Variants in ESR1 observed in about 807,000 individuals in gnomAD.
The protein encoded by ESR1 is estrogen receptor 1.
In ESR1, 12 loss-of-function variants were observed where a neutral mutation model predicts 52.7. That is an observed-to-expected ratio of 0.23 (90% CI 0.15 to 0.37). The LOEUF is 0.37. Ranked by LOEUF, ESR1 falls within the 10% of genes least tolerant of loss-of-function variation. The pLI is 1.00. For missense variants in ESR1, 584 were observed against 779.7 expected, an observed-to-expected ratio of 0.75 and a Z score of 2.99; for synonymous variants, 305 against 316.8, an observed-to-expected ratio of 0.96 and a Z score of 0.39.
chr6:152,002,312 T>C (rs572667321), intron 4 of ESR1, among the ~76,000 whole-genome samples: 2 of 151,972 alleles, frequency 1.3e-5, no homozygotes, highest in East Asian at 3.9e-4. Flanking sequence ...GCTATCCTTG[T>C]CCATGCGGTT....
At chr6:152,005,846 C>G (rs1237900268) in intron 4 of ESR1, among the ~76,000 whole-genome samples, 1 of 152,024 alleles carries the variant, frequency 6.6e-6, no homozygotes, top group East Asian at 1.9e-4. Context: ...TCCAGATAAT[C>G]AGAAAGTCCC....
intron 5 of ESR1, among the ~76,000 whole-genome samples, chr6:152,038,412 A>T (rs1455569913): frequency 1.3e-5 from 2 of 152,184 alleles, no homozygotes; most frequent in Non-Finnish European, 2.9e-5. Flanking sequence ...AATACAATCA[A>T]GTTGGCACTC....
intron 2 of ESR1, among the ~76,000 whole-genome samples, chr6:151,860,370 C>A (rs1788647141): frequency 6.6e-6 from 1 of 152,088 alleles, no homozygotes; most frequent in South Asian, 2.1e-4. Flanking sequence ...TAGACTTGTT[C>A]ATGCTACATA....
chr6:152,015,545 C>T lies in ESR1; in HGVS notation c.1235+3751C>T, dbSNP rs78374082. Among the ~76,000 whole-genome samples the T allele has an allele frequency of 9.5e-3, 1,445 of 152,230 alleles. 27 individuals are homozygous for T. The highest frequency in any genetic ancestry group is 0.033 in the African/African-American group (1,387 of 41,532). On this transcript the variant is annotated intron_variant, in intron 5 of 7. Coordinates refer to ENST00000206249, the MANE Select transcript of ESR1 (RefSeq NM_000125.4). The stretch of plus-strand genomic sequence containing the variant: ...TTCGTCTTGTGTGATCTCCAGTTTA[C>T]GAAGTCTTCCATGATACCCAACAAA...
At chr6:151,787,752 C>T (rs1787159907) in intron 2 of ESR1, among the ~76,000 whole-genome samples, 1 of 152,146 alleles carries the variant, frequency 6.6e-6, no homozygotes, top group Admixed American at 6.5e-5. Context: ...TGGGCCAACA[C>T]TATGGGGTTT....
chr6:151,753,578 A>G (rs1313563588), intron 2 of ESR1, among the ~76,000 whole-genome samples: 2 of 152,172 alleles, frequency 1.3e-5, no homozygotes, highest in African/African-American at 4.8e-5. Flanking sequence ...TTGGCCTCCC[A>G]AAGTGCTGGG....
At chr6:151,913,775 T>A (rs771810272) in intron 3 of ESR1, among the ~76,000 whole-genome samples, 19 of 152,166 alleles carry the variant, frequency 1.2e-4, no homozygotes, top group Non-Finnish European at 2.5e-4. Context: ...ATGTATCAGA[T>A]CTTTTTTTTA....
At chr6:151,824,920 CAA>C (rs11308325) in intron 1 of ESR1, among the ~76,000 whole-genome samples, 3 of 135,832 alleles carry the variant, frequency 2.2e-5, no homozygotes, top group Admixed American at 7.3e-5. Context: ...GACTCCATCT[CAA>C]AAAAAAAAAG....
intron 3 of ESR1, among the ~76,000 whole-genome samples, chr6:151,888,326 C>T (rs188734343): frequency 1.2e-3 from 181 of 152,130 alleles, no homozygotes; most frequent in African/African-American, 4.1e-3. Flanking sequence ...TTATTTGTGT[C>T]TTCTTCAGTT....
rs76985272 is a variant in ESR1, at chr6:152,061,120, T to C, written c.1365T>C (p.Asn455=). The change falls in exon 6 of 8, where the codon AAT becomes AAC. Residue 455 remains asparagine, a synonymous_variant. Transcript: ENST00000206249. This position sits in a 1 kb window ranked among gnomAD's most constrained non-coding sequence, Gnocchi z 4.3. ...GCCTCAAATCTATTATTTTGCTTAA[T>C]TCTGGTGAGTTGATAACACAAGATA... ...FVCLKSIILL[N]SGVYTFLSST... 21 of 1,613,926 alleles carry C rather than the reference T, an allele frequency of 1.3e-5. No homozygotes were observed. The highest frequency in any genetic ancestry group is 1.7e-5 in the Admixed American group (1 of 60,008).
chr6:151,818,667 C>T (rs1462230445), intron 1 of ESR1, among the ~76,000 whole-genome samples: 1 of 151,990 alleles, frequency 6.6e-6, no homozygotes, highest in East Asian at 1.9e-4. Flanking sequence ...TCATGTCATT[C>T]TTGCCTTTCT....
chr6:151,889,550 T>C (rs974538825), intron 3 of ESR1, among the ~76,000 whole-genome samples: 2 of 152,170 alleles, frequency 1.3e-5, no homozygotes, highest in Admixed American at 1.3e-4. Flanking sequence ...CTTCTCACTT[T>C]TTTTCTTAGT....
chr6:152,083,907 T>C (rs531838162), intron 6 of ESR1, among the ~76,000 whole-genome samples: 1 of 152,270 alleles, frequency 6.6e-6, no homozygotes, highest in South Asian at 2.1e-4. Context: ...TTTGACCCAG[T>C]GATCTCATTA....
intron 3 of ESR1, among the ~76,000 whole-genome samples, chr6:151,893,372 G>T (rs573212465): frequency 1.3e-5 from 2 of 152,194 alleles, no homozygotes; most frequent in African/African-American, 4.8e-5. Flanking sequence ...AAATGTTCTG[G>T]TCATGCCTGG....
rs151254912 is a variant in ESR1, at chr6:151,681,461, G to A, written n.74-20414G>A. 6.6e-3 allele frequency among the ~76,000 whole-genome samples: 996 copies of A among 151,784 alleles called. 9 individuals are homozygous for A. The highest frequency in any genetic ancestry group is 0.027 in the Middle Eastern group (8 of 292). On this transcript the variant is annotated intron_variant and non_coding_transcript_variant, in intron 1 of 2. Coordinates refer to the ESR1 transcript ENST00000473497. ...GGGAGCTGTTGAGGGTCCCGTGCTC[G>A]TCAATTCTCTAGCTTCTCAGGCGCC... is the stretch of plus-strand genomic sequence containing the variant.
chr6:151,664,565 C>T (rs577497646), intron 1 of ESR1, among the ~76,000 whole-genome samples: 1 of 152,270 alleles, frequency 6.6e-6, no homozygotes, highest in East Asian at 1.9e-4. Context: ...CCCTACTTTC[C>T]AGCCCATCTG....
chr6:151,714,882 G>T (rs1780906037), intron 2 of ESR1, among the ~76,000 whole-genome samples: 1 of 152,122 alleles, frequency 6.6e-6, no homozygotes. Context: ...CTGTCATTAT[G>T]ATGCTAGCTG....
intron 2 of ESR1, among the ~76,000 whole-genome samples, chr6:151,719,490 G>A (rs1371108401): frequency 6.6e-6 from 1 of 152,146 alleles, no homozygotes; most frequent in East Asian, 1.9e-4. Context: ...GCCTTAAGGT[G>A]GGAGCATTTC....
intron 5 of ESR1, among the ~76,000 whole-genome samples, chr6:152,025,776 T>C (rs1193179301): frequency 2.6e-5 from 4 of 151,998 alleles, no homozygotes; most frequent in Non-Finnish European, 5.9e-5. Context: ...CTGCTATCAG[T>C]TAATGTTTTA....
Sources: allele counts gnomAD v4.1 joint callset (sites outside exome capture counted in the v4.1 genomes callset), GRCh38; gene constraint gnomAD v4.1.1; non-coding constraint Gnocchi (gnomAD v3.1); transcripts MANE v1.5; gene names NCBI Gene and HGNC (gene_info 2026-07-23, HGNC 2026-07-21).